Variants in UNC5C observed in about 807,000 individuals in gnomAD.
The protein encoded by UNC5C is netrin receptor UNC5C.
UNC5C carries 47 observed loss-of-function variants against 99.8 expected under a neutral mutation model. The observed-to-expected ratio is 0.47, with a 90% CI of 0.37 to 0.60. The LOEUF (loss-of-function observed/expected upper bound fraction) is 0.60. Among genes scored for constraint, UNC5C ranks in the 20% least tolerant of loss-of-function variants. The pLI, the probability that UNC5C is intolerant of heterozygous loss-of-function variation, is 0.00. For missense variants in UNC5C, 1,062 were observed against 1,165.9 expected, an observed-to-expected ratio of 0.91 and a Z score of 1.30; for synonymous variants, 487 against 452.2, an observed-to-expected ratio of 1.08 and a Z score of -0.98.
At chr4:95,526,219 C>A (rs1722494732) in intron 1 of UNC5C, among the ~76,000 whole-genome samples, 1 of 152,084 alleles carries the variant, frequency 6.6e-6, no homozygotes, top group African/African-American at 2.4e-5. Flanking sequence ...GATTATCCAT[C>A]TTGTTTACCC....
chr4:95,420,989 C>G (rs760700216), intron 1 of UNC5C, among the ~76,000 whole-genome samples: 2 of 152,114 alleles, frequency 1.3e-5, no homozygotes, highest in Non-Finnish European at 2.9e-5. Context: ...AAATTTGGGA[C>G]CTGTTCTCTA....
intron 1 of UNC5C, among the ~76,000 whole-genome samples, chr4:95,336,730 C>T (rs1743364987): frequency 6.6e-6 from 1 of 151,930 alleles, no homozygotes; most frequent in Non-Finnish European, 1.5e-5. Context: ...ATTGACTTCA[C>T]TTGCATCACT....
chr4:95,418,864 G>A (rs1746241721), intron 1 of UNC5C, among the ~76,000 whole-genome samples: 1 of 152,072 alleles, frequency 6.6e-6, no homozygotes, highest in South Asian at 2.1e-4. Context: ...GCAGCCCAAA[G>A]TCTAGGACGA....
In UNC5C at chr4:95,256,699, A is replaced by AATATATATATATATATAAATATATAT. The variant is rs1553958326; in HGVS notation, c.595-6033_595-6032insATATATATTTATATATATATATATAT. Among the ~76,000 whole-genome samples, 12 of 90,668 alleles carry AATATATATATATATATAAATATATAT rather than the reference A, an allele frequency of 1.3e-4. No homozygotes were observed. In the East Asian group the frequency reaches 2.2e-3, roughly 17 times the overall value. 59.5% of individuals were successfully genotyped at this position (90,668 alleles called of 152,430 possible). On this transcript the variant is annotated intron_variant, in intron 4 of 15. Transcript: ENST00000453304. Reference sequence around the variant, plus strand: ...TTGTCTAGAGGGACAGAACTAAATAAATATATATATATATATATATATGAG... The same window carrying AATATATATATATATATAAATATATAT: ...TTGTCTAGAGGGACAGAACTAAATAAATATATATATATATATAAATATATATATATATATATATATATATATATGAG...
chr4:95,334,083 A>G (rs991208548), intron 2 of UNC5C, among the ~76,000 whole-genome samples: 2 of 152,068 alleles, frequency 1.3e-5, no homozygotes, highest in African/African-American at 4.8e-5. Context: ...AATTATGTAG[A>G]GTTGCCACCT....
chr4:95,227,927 T>C (rs1333187005), intron 7 of UNC5C, among the ~76,000 whole-genome samples: 2 of 152,212 alleles, frequency 1.3e-5, no homozygotes, highest in Non-Finnish European at 2.9e-5. Context: ...TTTTTTCTAA[T>C]TTGCACAAGG....
rs997850751 is a variant in UNC5C, at chr4:95,505,965, T to A, written c.124+42769A>T. 1.1e-4 allele frequency among the ~76,000 whole-genome samples: 17 copies of A among 152,064 alleles called. No homozygotes were observed. The South Asian group carries it at 1.4e-3, about 13-fold the overall frequency. On this transcript the variant is annotated intron_variant, in intron 1 of 15. Transcript: ENST00000453304. ...AAGAGTAACTCTAAAGGGTTTTTTTTATTGAAAGTGCTACCAGAAGACTAG... is the reference window on the plus strand; with the variant it reads ...AAGAGTAACTCTAAAGGGTTTTTTTAATTGAAAGTGCTACCAGAAGACTAG...
At chr4:95,269,201 G>A (rs1035437819) in intron 4 of UNC5C, among the ~76,000 whole-genome samples, 3 of 152,186 alleles carry the variant, frequency 2.0e-5, no homozygotes, top group African/African-American at 7.2e-5. Flanking sequence ...ATCTCTGGGT[G>A]GGATATAAGC....
intron 2 of UNC5C, among the ~76,000 whole-genome samples, chr4:95,303,472 T>C (rs1288723344): frequency 2.6e-5 from 4 of 152,188 alleles, no homozygotes; most frequent in African/African-American, 9.6e-5. Context: ...GGTAAGGAGT[T>C]TGAGACTAGT....
At chr4:95,267,499 G>A (rs1241330594) in intron 4 of UNC5C, among the ~76,000 whole-genome samples, 2 of 152,176 alleles carry the variant, frequency 1.3e-5, no homozygotes, top group African/African-American at 4.8e-5. Context: ...AAAGGATGAT[G>A]TTGCACCTTT....
intron 1 of UNC5C, among the ~76,000 whole-genome samples, chr4:95,508,590 C>A (rs967651288): frequency 6.6e-6 from 1 of 151,838 alleles, no homozygotes; most frequent in Non-Finnish European, 1.5e-5. Context: ...CATTATGTCC[C>A]TCTTTCTTTG....
chr4:95,448,540 T>C (rs1316477734), intron 1 of UNC5C, among the ~76,000 whole-genome samples: 2 of 152,244 alleles, frequency 1.3e-5, no homozygotes, highest in East Asian at 3.9e-4. Context: ...TAAGGAAAGA[T>C]AAGCAAAATG....
In UNC5C at chr4:95,467,734, A is replaced by G. The variant is rs147689440; in HGVS notation, c.124+81000T>C. Reference sequence around the variant, plus strand: ...CCCTTCACATAGCCAAAAATCTGAGAATAAATTTTCATTCTCCAAATCTTA... The same window carrying G: ...CCCTTCACATAGCCAAAAATCTGAGGATAAATTTTCATTCTCCAAATCTTA... On this transcript the variant is annotated intron_variant, in intron 1 of 15. Transcript: ENST00000453304. Among the ~76,000 whole-genome samples, 430 of 152,270 alleles carry G rather than the reference A, an allele frequency of 2.8e-3. 1 individual carries two copies. The highest frequency in any genetic ancestry group is 0.01 in the African/African-American group (418 of 41,576).
At chr4:95,258,625 G>A (rs1740095702) in intron 4 of UNC5C, among the ~76,000 whole-genome samples, 1 of 151,814 alleles carries the variant, frequency 6.6e-6, no homozygotes. Flanking sequence ...GTTTATAAAG[G>A]CATGGGATTT....
At chr4:95,249,133 TA>T (rs1739604122) in intron 5 of UNC5C, among the ~76,000 whole-genome samples, 1 of 152,140 alleles carries the variant, frequency 6.6e-6, no homozygotes, top group Non-Finnish European at 1.5e-5. Flanking sequence ...AGCCTAGGAG[TA>T]ATAGGCTATA....
At chr4:95,423,785 G>A (rs1746386404) in intron 1 of UNC5C, among the ~76,000 whole-genome samples, 1 of 152,132 alleles carries the variant, frequency 6.6e-6, no homozygotes, top group African/African-American at 2.4e-5. Flanking sequence ...AAAAGTTCAT[G>A]TACATGTCAG....
At chr4:95,404,252 A>C (rs541234317) in intron 1 of UNC5C, among the ~76,000 whole-genome samples, 1 of 152,312 alleles carries the variant, frequency 6.6e-6, no homozygotes, top group East Asian at 1.9e-4. Context: ...TTTGGACAAA[A>C]CTACCCAAAG....
At chr4:95,306,704 A>G (rs1742074803) in intron 2 of UNC5C, among the ~76,000 whole-genome samples, 1 of 152,088 alleles carries the variant, frequency 6.6e-6, no homozygotes, top group Admixed American at 6.6e-5. Context: ...TATCTTTCTT[A>G]TGGCAAAAGG....
rs115927395 is a variant in UNC5C, at chr4:95,219,679, C to T, written c.1300+306G>A. ...GTAAATCATTCTATTCATAGCAATA[C>T]AAGATATCTTGTCAAAGGAAGTTAA... On this transcript the variant is annotated intron_variant, in intron 8 of 15. Coordinates refer to ENST00000453304, the MANE Select transcript of UNC5C (RefSeq NM_003728.4). 5.3e-3 allele frequency among the ~76,000 whole-genome samples: 811 copies of T among 152,070 alleles called. 2 individuals are homozygous for T. The highest frequency in any genetic ancestry group is 0.014 in the Middle Eastern group (4 of 294).
Sources: allele counts gnomAD v4.1 joint callset (sites outside exome capture counted in the v4.1 genomes callset), GRCh38; gene constraint gnomAD v4.1.1; transcripts MANE v1.5; gene names NCBI Gene and HGNC (gene_info 2026-07-23, HGNC 2026-07-21).